The following L3MBTL4 variants were observed in gnomAD, a reference collection of about 807,000 sequenced individuals.
The protein encoded by L3MBTL4 is L3MBTL histone methyl-lysine binding protein 4.
A neutral mutation model predicts 84.5 loss-of-function variants in L3MBTL4; 70 were observed. The observed-to-expected ratio is 0.83, with a 90% CI of 0.68 to 1.01. The LOEUF is 1.01. Ranked by LOEUF, L3MBTL4 falls within the 50% of genes least tolerant of loss-of-function variation. The pLI, the probability that L3MBTL4 is intolerant of heterozygous loss-of-function variation, is 0.00. For missense variants in L3MBTL4, 715 were observed against 754.8 expected (o/e 0.95, Z 0.62); for synonymous variants, 274 against 259.8 (o/e 1.05, Z -0.52).
At chr18:6,341,353 A>T (rs920268845) in intron 1 of L3MBTL4, among the ~76,000 whole-genome samples, 1 of 152,138 alleles carries the variant, frequency 6.6e-6, no homozygotes, top group African/African-American at 2.4e-5. Flanking sequence ...GTGAGCCACA[A>T]GAGAAGAAAA....
intron 11 of L3MBTL4, among the ~76,000 whole-genome samples, chr18:6,214,472 T>G (rs1273312646): frequency 6.6e-6 from 1 of 152,224 alleles, no homozygotes; most frequent in African/African-American, 2.4e-5. Flanking sequence ...CATAAAAGTG[T>G]TCAATTGGTT....
At chr18:5,977,357 C>T (rs1375590099) in intron 16 of L3MBTL4, among the ~76,000 whole-genome samples, 1 of 152,186 alleles carries the variant, frequency 6.6e-6, no homozygotes, top group Non-Finnish European at 1.5e-5. Flanking sequence ...ATCTCTGTCT[C>T]CTTCCTTGGT....
intron 1 of L3MBTL4, among the ~76,000 whole-genome samples, chr18:6,380,823 T>C (rs1241810982): frequency 1.3e-5 from 2 of 152,188 alleles, no homozygotes; most frequent in Admixed American, 1.3e-4. Context: ...TCTGTAGATG[T>C]CTATTAGGTC....
At chr18:6,312,546 A>C (rs1008433310) in intron 1 of L3MBTL4, among the ~76,000 whole-genome samples, 1 of 152,102 alleles carries the variant, frequency 6.6e-6, no homozygotes, top group African/African-American at 2.4e-5. Flanking sequence ...AAGAGCACCA[A>C]GCCAAGGGGC....
At chr18:6,159,752 A>T (rs561148723) in intron 13 of L3MBTL4, among the ~76,000 whole-genome samples, 2 of 147,584 alleles carry the variant, frequency 1.4e-5, no homozygotes, top group South Asian at 4.1e-4. Context: ...TTTCATAACA[A>T]ACACTTTATA....
intron 1 of L3MBTL4, chr18:6,413,851 G>T (rs529599653): frequency 6.6e-6 from 1 of 152,280 alleles, no homozygotes. Context: ...GTTCCACCTC[G>T]GGGCATTGGC....
intron 10 of L3MBTL4, among the ~76,000 whole-genome samples, chr18:6,218,944 T>C (rs1172869799): frequency 6.6e-6 from 1 of 152,080 alleles, no homozygotes; most frequent in East Asian, 1.9e-4. Flanking sequence ...GAGACAAGAA[T>C]GAAATACAGG....
intron 14 of L3MBTL4, among the ~76,000 whole-genome samples, chr18:6,106,940 G>A (rs1158057619): frequency 6.6e-6 from 1 of 152,142 alleles, no homozygotes; most frequent in Non-Finnish European, 1.5e-5. Context: ...CTTTGACCTG[G>A]GGACTACAAA....
At chr18:6,406,060 CTAAG>C (rs1461386615) in intron 1 of L3MBTL4, among the ~76,000 whole-genome samples, 1 of 152,200 alleles carries the variant, frequency 6.6e-6, no homozygotes, top group African/African-American at 2.4e-5. Flanking sequence ...TGCAAGTGCA[CTAAG>C]TATTAATTAT....
intron 12 of L3MBTL4, among the ~76,000 whole-genome samples, chr18:6,179,660 ATG>A (rs145138397): frequency 6.6e-6 from 1 of 152,124 alleles, no homozygotes; most frequent in African/African-American, 2.4e-5. Flanking sequence ...GATAGTTGTA[ATG>A]TGTGTGTGTG....
intron 18 of L3MBTL4, among the ~76,000 whole-genome samples, chr18:5,958,160 CAAGAAGAAGAAGAAGACGACGAA>C (rs2095243754): frequency 1.8e-5 from 1 of 55,476 alleles, no homozygotes; most frequent in Non-Finnish European, 4.3e-5. Flanking sequence ...AGAAGAAGAA[CAAGAAGAAGAAGAAGACGACGAA>C]GAAGAAGAGG....
chr18:6,332,695 A>C (rs558211206), intron 1 of L3MBTL4, among the ~76,000 whole-genome samples: 9 of 152,360 alleles, frequency 5.9e-5, no homozygotes, highest in African/African-American at 2.2e-4. Context: ...ATGCAGAGGA[A>C]GGTGGAACCA....
intron 16 of L3MBTL4, among the ~76,000 whole-genome samples, chr18:5,996,980 G>A (rs1217310293): frequency 6.6e-6 from 1 of 151,124 alleles, no homozygotes; most frequent in Non-Finnish European, 1.5e-5. Context: ...CAGGAGGGGT[G>A]CATTTTAGAA....
chr18:6,063,591 T>C (rs2057307467), intron 16 of L3MBTL4, among the ~76,000 whole-genome samples: 2 of 152,058 alleles, frequency 1.3e-5, no homozygotes, highest in South Asian at 4.1e-4. Flanking sequence ...CTCATTGCAT[T>C]TCCCTGATGA....
At chr18:6,131,365 C>T (rs552508819) in intron 14 of L3MBTL4, among the ~76,000 whole-genome samples, 6 of 152,220 alleles carry the variant, frequency 3.9e-5, no homozygotes, top group African/African-American at 7.2e-5. Context: ...CCAGCCAAAC[C>T]GGAGGGGCTT....
At chr18:6,031,826 T>TAAAA (rs1190084547) in intron 16 of L3MBTL4, 6 of 803,820 alleles carry the variant, frequency 7.5e-6, no homozygotes, top group Non-Finnish European at 9.0e-6. Flanking sequence ...TTTTTTTTTT[T>TAAAA]AATTTCACAG....
At chr18:6,142,057 A>C (rs1031459656) in intron 13 of L3MBTL4, among the ~76,000 whole-genome samples, 3 of 152,182 alleles carry the variant, frequency 2.0e-5, no homozygotes, top group Admixed American at 1.3e-4. Flanking sequence ...ATAACTTCTT[A>C]TTATCTTTCA....
In L3MBTL4 at chr18:5,995,606, G is replaced by A. The variant is rs937752998; in HGVS notation, c.1445-26044C>T. On this transcript the variant is annotated intron_variant, in intron 16 of 18. Coordinates refer to ENST00000317931, the MANE Select transcript of L3MBTL4 (RefSeq NM_001330559.2). The stretch of plus-strand genomic sequence containing the variant: ...GTTTGGATGATTATTTCACCCATGC[G>A]ACCAAGAATGAGCCTTCGCACTTCT... 8.5e-5 allele frequency among the ~76,000 whole-genome samples: 13 copies of A among 152,192 alleles called. No homozygotes were observed. In the East Asian group the frequency reaches 1.2e-3, roughly 14 times the overall value.
At position 6,239,843 on chromosome 18, in the gene L3MBTL4, A is replaced by G. The variant is rs1161895332; in HGVS notation, c.582T>C (p.Val194=). ...TGTCCACGGCCTCCAGCTTCATTCCAACCTGAAATTCTTTAGACATTGGCC... is the reference window on the plus strand; with the variant it reads ...TGTCCACGGCCTCCAGCTTCATTCCGACCTGAAATTCTTTAGACATTGGCC... The part of the protein sequence containing the change: ...PNGPMSKEFQ[V]GMKLEAVDRK... The change falls in exon 9 of 19, where the codon GTT becomes GTC. Residue 194 remains valine, a synonymous_variant. Transcript: ENST00000317931. 13 of 1,614,044 alleles carry G rather than the reference A, an allele frequency of 8.1e-6. No individual in the cohort carries two copies. Among genetic ancestry groups the G allele is most frequent in the Non-Finnish European group, 1.1e-5 (13 of 1,180,032 alleles).
Sources: gnomAD v4.1 joint callset for allele counts (sites outside exome capture counted in the v4.1 genomes callset) on GRCh38, gnomAD v4.1.1 for gene constraint, MANE v1.5 for transcripts, NCBI Gene and HGNC (gene_info 2026-07-23, HGNC 2026-07-21) for gene names.